The following IMMP2L variants were observed in gnomAD, a reference collection of about 807,000 sequenced individuals.
IMMP2L encodes mitochondrial inner membrane protease subunit 2.
A neutral mutation model predicts 19.3 loss-of-function variants in IMMP2L; 18 were observed. That is an observed-to-expected ratio of 0.93 (90% CI 0.64 to 1.38). The LOEUF (loss-of-function observed/expected upper bound fraction) is 1.38, where lower values mean the gene tolerates loss of function less well. Among genes scored for constraint, IMMP2L ranks in the 40% most tolerant of loss-of-function variants. The pLI is 0.00. For missense variants in IMMP2L, 233 were observed against 218.2 expected, an observed-to-expected ratio of 1.07 and a Z score of -0.43; for synonymous variants, 76 against 73.0, an observed-to-expected ratio of 1.04 and a Z score of -0.21.
chr7:110,912,564 TTATAGAAGGAGA>T (rs1813166876), intron 4 of IMMP2L, among the ~76,000 whole-genome samples: 1 of 151,838 alleles, frequency 6.6e-6, no homozygotes, highest in Non-Finnish European at 1.5e-5. Context: ...GCATTAAAAA[TTATAGAAGGAGA>T]CACATTTAAA....
chr7:111,204,743 A>T (rs1586819248), intron 3 of IMMP2L, among the ~76,000 whole-genome samples: 1 of 152,196 alleles, frequency 6.6e-6, no homozygotes, highest in South Asian at 2.1e-4. Flanking sequence ...TCCCCCATTT[A>T]AAGATAAAGA....
intron 2 of IMMP2L, among the ~76,000 whole-genome samples, chr7:111,499,078 G>T (rs531188506): frequency 6.6e-6 from 1 of 152,292 alleles, no homozygotes; most frequent in African/African-American, 2.4e-5. Flanking sequence ...GCTTAGCTAT[G>T]CAATTAGCCA....
chr7:111,488,795 G>A (rs1842859174), intron 2 of IMMP2L, among the ~76,000 whole-genome samples: 1 of 152,068 alleles, frequency 6.6e-6, no homozygotes, highest in South Asian at 2.1e-4. Flanking sequence ...TTTCATAGTG[G>A]TTGTACTAGT....
intron 5 of IMMP2L, among the ~76,000 whole-genome samples, chr7:110,692,992 G>T (rs1392904872): frequency 6.6e-6 from 1 of 152,144 alleles, no homozygotes; most frequent in Admixed American, 6.6e-5. Flanking sequence ...ATCTCCCAGG[G>T]TGCTCCTTTG....
intron 5 of IMMP2L, among the ~76,000 whole-genome samples, chr7:110,797,485 TCAG>T (rs1800939222): frequency 6.6e-6 from 1 of 152,018 alleles, no homozygotes; most frequent in Admixed American, 6.6e-5. Flanking sequence ...ATTAACCAAT[TCAG>T]CAGATAAAAT....
chr7:111,210,664 C>G (rs1811211057), intron 3 of IMMP2L, among the ~76,000 whole-genome samples: 2 of 152,040 alleles, frequency 1.3e-5, no homozygotes, highest in Admixed American at 1.3e-4. Flanking sequence ...TCTGCCTACA[C>G]TTATATTCTT....
At chr7:111,010,216 A>T (rs1196927009) in intron 3 of IMMP2L, among the ~76,000 whole-genome samples, 1 of 152,148 alleles carries the variant, frequency 6.6e-6, no homozygotes, top group Non-Finnish European at 1.5e-5. Context: ...TCTCATTTCT[A>T]ATACATATTT....
intron 5 of IMMP2L, among the ~76,000 whole-genome samples, chr7:110,817,708 A>C (rs1382080763): frequency 6.6e-6 from 1 of 152,164 alleles, no homozygotes; most frequent in African/African-American, 2.4e-5. Flanking sequence ...CCTGACTTCA[A>C]ACTATACTAC....
chr7:110,882,632 C>T (rs895842860), intron 5 of IMMP2L, among the ~76,000 whole-genome samples: 5 of 152,036 alleles, frequency 3.3e-5, no homozygotes, highest in African/African-American at 7.2e-5. Context: ...CCACCCGCCT[C>T]GGCTTCCCAA....
At chr7:111,165,001 C>T (rs926709268) in intron 3 of IMMP2L, among the ~76,000 whole-genome samples, 4 of 151,946 alleles carry the variant, frequency 2.6e-5, no homozygotes, top group East Asian at 1.9e-4. Flanking sequence ...TTACCATCAC[C>T]ACCATTCATA....
chr7:111,020,088 A>T lies in IMMP2L; in HGVS notation c.240-56523T>A, dbSNP rs975915106. ...CTAGACACTAGGGATACAACAATTAAAAAAAAAAAAAAAGGCCTAGCACGG... is the reference window on the plus strand; with the variant it reads ...CTAGACACTAGGGATACAACAATTATAAAAAAAAAAAAAGGCCTAGCACGG... On this transcript the variant is annotated intron_variant, in intron 3 of 5. Transcript: ENST00000405709. Among the ~76,000 whole-genome samples, 921 of 144,842 alleles carry T rather than the reference A, an allele frequency of 6.4e-3. 8 individuals carry two copies. The highest frequency in any genetic ancestry group is 0.018 in the African/African-American group (677 of 38,100).
chr7:111,004,856 GA>G (rs1824127864), intron 3 of IMMP2L, among the ~76,000 whole-genome samples: 1 of 151,702 alleles, frequency 6.6e-6, no homozygotes, highest in Admixed American at 6.6e-5. Flanking sequence ...CAGCATTTGG[GA>G]ATAAAAATAA....
chr7:110,715,277 C>T (rs992969115), intron 5 of IMMP2L, among the ~76,000 whole-genome samples: 1 of 152,048 alleles, frequency 6.6e-6, no homozygotes, highest in Non-Finnish European at 1.5e-5. Context: ...CACTTTCACG[C>T]TGATTTTAGT....
intron 4 of IMMP2L, among the ~76,000 whole-genome samples, chr7:110,903,379 G>A (rs1471498228): frequency 6.6e-6 from 1 of 152,118 alleles, no homozygotes; most frequent in African/African-American, 2.4e-5. Flanking sequence ...TTGCTTATCT[G>A]AAACTTTATG....
chr7:111,439,801 G>C (rs1320812711), intron 3 of IMMP2L, among the ~76,000 whole-genome samples: 1 of 151,878 alleles, frequency 6.6e-6, no homozygotes, highest in Non-Finnish European at 1.5e-5. Flanking sequence ...ATTGCTGTTT[G>C]ATTGCATTTT....
At chr7:110,969,452 A>C (rs1819910715) in intron 3 of IMMP2L, among the ~76,000 whole-genome samples, 2 of 152,090 alleles carry the variant, frequency 1.3e-5, no homozygotes, top group Non-Finnish European at 2.9e-5. Context: ...TCAGAAAATG[A>C]TATATGTATA....
At chr7:111,310,449 G>C (rs1823392052) in intron 3 of IMMP2L, among the ~76,000 whole-genome samples, 1 of 151,898 alleles carries the variant, frequency 6.6e-6, no homozygotes, top group African/African-American at 2.4e-5. Context: ...TTAAAGTTTT[G>C]TTTCTGTTGG....
intron 5 of IMMP2L, among the ~76,000 whole-genome samples, chr7:110,838,581 G>C (rs1278920477): frequency 1.3e-5 from 2 of 151,672 alleles, no homozygotes; most frequent in Non-Finnish European, 2.9e-5. Context: ...GGCTTTATAA[G>C]ATAAAGACCC....
Position 111,561,847 on chromosome 7 carries a change from T to G in IMMP2L, c.-3+4A>C, listed in dbSNP as rs1235047326. 2 of 152,674 alleles carry G rather than the reference T, an allele frequency of 1.3e-5. No individual in the cohort carries two copies. The highest frequency in any genetic ancestry group is 2.9e-5 in the Non-Finnish European group (2 of 68,090). The allele number at this position is 152,674 out of a possible 1,614,324, so 9.5% of individuals were successfully genotyped here. ...CCTTCCACCCCTGACCATTCCTTAC[T>G]TACCCTTTCTCCCGCTCTTCCTCGG... is the stretch of plus-strand genomic sequence containing the variant. On this transcript the variant is annotated splice_donor_region_variant and intron_variant, in intron 1 of 5. Coordinates refer to ENST00000405709, the MANE Select transcript of IMMP2L (RefSeq NM_032549.4).
Sources: gnomAD v4.1 joint callset for allele counts (sites outside exome capture counted in the v4.1 genomes callset) on GRCh38, gnomAD v4.1.1 for gene constraint, MANE v1.5 for transcripts, NCBI Gene and HGNC (gene_info 2026-07-23, HGNC 2026-07-21) for gene names.